Variants in SMG6 observed in about 807,000 individuals in gnomAD.
SMG6 encodes the protein SMG6 nonsense mediated mRNA decay factor.
Under a neutral mutation model 142.2 loss-of-function variants are expected in SMG6, and 66 were observed. The observed-to-expected ratio is 0.46, with a 90% CI of 0.38 to 0.57. The LOEUF (loss-of-function observed/expected upper bound fraction) is 0.57, where lower values mean the gene tolerates loss of function less well. Among genes scored for constraint, SMG6 ranks in the 20% least tolerant of loss-of-function variants. The pLI is 0.00. For synonymous variants in SMG6, 779 were observed against 702.4 expected, an observed-to-expected ratio of 1.11 and a Z score of -1.72; for missense variants, 1,793 against 1,832.0, an observed-to-expected ratio of 0.98 and a Z score of 0.39.
intron 8 of SMG6, among the ~76,000 whole-genome samples, chr17:2,262,712 C>T (rs1597735256): frequency 6.6e-6 from 1 of 152,160 alleles, no homozygotes; most frequent in South Asian, 2.1e-4. Flanking sequence ...ATTTATAACA[C>T]TTTATTGCAA....
chr17:2,200,380 C>CT (rs1287496955), intron 10 of SMG6, among the ~76,000 whole-genome samples: 3 of 151,950 alleles, frequency 2.0e-5, no homozygotes, highest in African/African-American at 7.3e-5. Flanking sequence ...TAATTATACT[C>CT]TAAGTTCCAG....
intron 13 of SMG6, among the ~76,000 whole-genome samples, chr17:2,093,760 T>C (rs1345265801): frequency 1.3e-5 from 2 of 152,246 alleles, no homozygotes; most frequent in East Asian, 3.9e-4. Context: ...CTCAGTCTCT[T>C]GAGCTCAAGC....
intron 13 of SMG6, among the ~76,000 whole-genome samples, chr17:2,161,420 T>A (rs539812448): frequency 7.5e-4 from 114 of 151,972 alleles, no homozygotes; most frequent in East Asian, 1.5e-3. Flanking sequence ...TTATTTATTT[T>A]TTTTTTTGAG....
At chr17:2,183,464 T>C (rs1266431226) in intron 12 of SMG6, among the ~76,000 whole-genome samples, 1 of 152,162 alleles carries the variant, frequency 6.6e-6, no homozygotes, top group Non-Finnish European at 1.5e-5. Flanking sequence ...AAGCTTTTTC[T>C]GTAATGAGCT....
At chr17:2,295,949 T>C (rs1361473703) in intron 4 of SMG6, among the ~76,000 whole-genome samples, 2 of 152,162 alleles carry the variant, frequency 1.3e-5, no homozygotes, top group Non-Finnish European at 1.5e-5. Flanking sequence ...ATTTCCTTTC[T>C]TTCTTTCCAA....
At chr17:2,155,899 T>C (rs917948085) in intron 13 of SMG6, among the ~76,000 whole-genome samples, 14 of 152,188 alleles carry the variant, frequency 9.2e-5, no homozygotes, top group African/African-American at 2.4e-4. Flanking sequence ...TTTGAATGTA[T>C]TGTTATCAGG....
At chr17:2,275,383 C>A (rs2074627418) in intron 8 of SMG6, among the ~76,000 whole-genome samples, 1 of 152,178 alleles carries the variant, frequency 6.6e-6, no homozygotes, top group Non-Finnish European at 1.5e-5. Context: ...GATCACGCCG[C>A]TGCACTCCAG....
chr17:2,249,201 C>T (rs550208154), intron 8 of SMG6, among the ~76,000 whole-genome samples: 30 of 151,948 alleles, frequency 2.0e-4, no homozygotes, highest in Non-Finnish European at 3.7e-4. Context: ...TCTTAACTGA[C>T]CCCAAACCCA....
chr17:2,061,747 T>TA lies in SMG6; in HGVS notation c.4130-126dup, dbSNP rs1379838548. 5.4e-6 allele frequency: 6 copies of TA among 1,120,118 alleles called. No individual in the cohort carries two copies. In the African/African-American group the frequency reaches 7.7e-5, roughly 14 times the overall value. The allele number at this position is 1,120,118 out of a possible 1,614,324, so 69.4% of individuals were successfully genotyped here. The stretch of plus-strand genomic sequence containing the variant: ...CACGCTAGCCGTGTCTTGGCTCTTC[T>TA]ACCAGTCCTTTCCTCCGTCCGGGCT... On this transcript the variant is annotated intron_variant, in intron 18 of 18. Coordinates refer to ENST00000263073, the MANE Select transcript of SMG6 (RefSeq NM_017575.5).
intron 12 of SMG6, among the ~76,000 whole-genome samples, chr17:2,177,776 G>C (rs1482379367): frequency 6.6e-6 from 1 of 152,208 alleles, no homozygotes. Flanking sequence ...ATACAGCCAA[G>C]ATGGCACAGA....
intron 8 of SMG6, among the ~76,000 whole-genome samples, chr17:2,246,458 A>G (rs899498429): frequency 1.3e-5 from 2 of 152,258 alleles, no homozygotes; most frequent in African/African-American, 2.4e-5. Flanking sequence ...TATGGAAGCC[A>G]AGTGTGGGAA....
At chr17:2,234,301 T>A (rs992220173) in intron 10 of SMG6, among the ~76,000 whole-genome samples, 1 of 152,134 alleles carries the variant, frequency 6.6e-6, no homozygotes. Flanking sequence ...CTCACTCTGC[T>A]GCCCAGGCTG....
At chr17:2,301,606 G>A (rs2075278202) in intron 1 of SMG6, among the ~76,000 whole-genome samples, 1 of 152,308 alleles carries the variant, frequency 6.6e-6, no homozygotes, top group South Asian at 2.1e-4. Flanking sequence ...ACTTTGGGAG[G>A]CCGTGGTGGG....
chr17:2,299,326 A>G lies in SMG6; in HGVS notation c.1427T>C (p.Phe476Ser). The G allele has an allele frequency of 6.2e-7, 1 of 1,614,082 alleles. No individual in the cohort carries two copies. The highest frequency in any genetic ancestry group is 1.1e-5 in the South Asian group (1 of 91,082). ...GCTGACTTCATCATCAGTGTCCAAG[A>G]AATGTAGCTGGGGCGTCTGAGTCTT... is the stretch of plus-strand genomic sequence containing the variant. Reference protein sequence around the residue: ...ALKTQTPQLHFLDTDDEVSPT... With the variant: ...ALKTQTPQLHSLDTDDEVSPT... Residue 476 changes from phenylalanine (F) to serine (S), a missense_variant, in exon 2 of 19, where the codon TTC becomes TCC. By Grantham distance (155) the Phe-to-Ser change is radical. Transcript: ENST00000263073. The surrounding 1 kb of genome is among the most constrained non-coding windows in gnomAD (Gnocchi z 4.3).
At chr17:2,112,965 C>T (rs142756739) in intron 13 of SMG6, among the ~76,000 whole-genome samples, 2 of 152,184 alleles carry the variant, frequency 1.3e-5, no homozygotes, top group Admixed American at 6.5e-5. Context: ...ACCATGTTAA[C>T]CAGGCTGGTC....
chr17:2,188,836 A>G (rs1052113944), intron 10 of SMG6, among the ~76,000 whole-genome samples: 1 of 152,242 alleles, frequency 6.6e-6, no homozygotes, highest in Non-Finnish European at 1.5e-5. Context: ...ATGTAAAGCC[A>G]TCGTAACAAG....
chr17:2,298,305 T>G (rs1330691843), intron 2 of SMG6, among the ~76,000 whole-genome samples: 1 of 152,254 alleles, frequency 6.6e-6, no homozygotes, highest in Non-Finnish European at 1.5e-5. Context: ...AGATCTTCAC[T>G]GCAAGTTACA....
In SMG6 at chr17:2,061,468, G is replaced by GGC; in HGVS notation, c.*23_*24insGC. 1 of 1,565,298 alleles carries GGC rather than the reference G, an allele frequency of 6.4e-7. No individual in the cohort carries two copies. The highest frequency in any genetic ancestry group is 1.2e-5 in the South Asian group (1 of 86,346). ...TGGCCTTTCAGGAACGGTTCCACGG[G>GGC]GGGGGGGCCCCAGTGTGGCTCCCTC... On this transcript the variant is annotated 3_prime_UTR_variant, in exon 19 of 19. Transcript: ENST00000263073.
At chr17:2,126,920 A>AG (rs2069904037) in intron 13 of SMG6, among the ~76,000 whole-genome samples, 4 of 152,084 alleles carry the variant, frequency 2.6e-5, no homozygotes, top group East Asian at 1.9e-4. Context: ...ACACAGACAC[A>AG]AACATACATG....
Sources: allele counts gnomAD v4.1 joint callset (sites outside exome capture counted in the v4.1 genomes callset), GRCh38; gene constraint gnomAD v4.1.1; non-coding constraint Gnocchi (gnomAD v3.1); transcripts MANE v1.5; gene names NCBI Gene and HGNC (gene_info 2026-07-23, HGNC 2026-07-21).